The following RANBP2 variants were observed in gnomAD, a reference collection of about 807,000 sequenced individuals.
The protein encoded by RANBP2 is E3 SUMO-protein ligase RanBP2.
RANBP2 carries 57 observed loss-of-function variants against 303.6 expected under a neutral mutation model. The observed-to-expected ratio is 0.19, with a 90% CI of 0.15 to 0.23. The LOEUF is 0.23. Ranked by LOEUF, RANBP2 falls within the 10% of genes least tolerant of loss-of-function variation. RANBP2 has a pLI of 1.00. For missense variants in RANBP2, 3,138 were observed against 3,780.8 expected, an observed-to-expected ratio of 0.83 and a Z score of 4.46; for synonymous variants, 1,167 against 1,301.5, an observed-to-expected ratio of 0.90 and a Z score of 2.23.
chr2:108,887,293 A>G, the RANBP2 span, among the ~76,000 whole-genome samples: 1 of 152,112 alleles, frequency 6.6e-6, no homozygotes, highest in Non-Finnish European at 1.5e-5. Context: ...TCCTTGTAAT[A>G]TGTTTTGAAG....
chr2:108,910,839 TG>T, the RANBP2 span: 1 of 1,614,056 alleles, frequency 6.2e-7, no homozygotes, highest in South Asian at 1.1e-5. Flanking sequence ...CCCGGGTGGC[TG>T]GTGCAACAGG....
chr2:108,846,192 C>G, the RANBP2 span, among the ~76,000 whole-genome samples: 2 of 152,146 alleles, frequency 1.3e-5, no homozygotes, highest in African/African-American at 2.4e-5. Flanking sequence ...TAGTCCACCT[C>G]TGTTCCCTTG....
At chr2:109,643,346 C>T in the RANBP2 span, among the ~76,000 whole-genome samples, 6,766 of 152,250 alleles carry the variant, frequency 0.044, 155 homozygotes, top group South Asian at 0.096. Context: ...TAAAATGAGG[C>T]TGAAACCTAC....
the RANBP2 span, chr2:109,614,792 C>G: frequency 2.0e-6 from 3 of 1,473,626 alleles, no homozygotes; most frequent in East Asian, 3.0e-5. Context: ...AGGTGACCGC[C>G]GAGCCCGAGG....
the RANBP2 span, among the ~76,000 whole-genome samples, chr2:108,993,226 G>A: frequency 6.6e-6 from 1 of 152,252 alleles, no homozygotes; most frequent in African/African-American, 2.4e-5. Flanking sequence ...GCAGAGTTGG[G>A]CAGAAGGTGT....
At chr2:108,915,878 C>G in the RANBP2 span, among the ~76,000 whole-genome samples, 2 of 151,084 alleles carry the variant, frequency 1.3e-5, no homozygotes, top group African/African-American at 4.9e-5. Context: ...TGCTGGGCAA[C>G]AAGAGCGAAA....
chr2:109,426,975 TA>T, the RANBP2 span, among the ~76,000 whole-genome samples: 2 of 105,990 alleles, frequency 1.9e-5, no homozygotes, highest in East Asian at 2.5e-4. Context: ...TATATATATA[TA>T]TATTTTTTTT....
At chr2:109,609,757 A>C in the RANBP2 span, among the ~76,000 whole-genome samples, 1 of 152,222 alleles carries the variant, frequency 6.6e-6, no homozygotes, top group South Asian at 2.1e-4. Context: ...AAAAGTTCAG[A>C]AGCATTGTAG....
the RANBP2 span, among the ~76,000 whole-genome samples, chr2:109,046,317 G>A: frequency 9.7e-5 from 14 of 143,730 alleles, no homozygotes; most frequent in Non-Finnish European, 1.7e-4. Flanking sequence ...AAAAAAAAAA[G>A]AAAAAAAATC....
At chr2:108,898,979 GGAGAA>G in the RANBP2 span, among the ~76,000 whole-genome samples, 1 of 152,096 alleles carries the variant, frequency 6.6e-6, no homozygotes, top group Non-Finnish European at 1.5e-5. Context: ...CAGAAGGAGA[GGAGAA>G]GAGAGTGGGA....
chr2:108,907,253 T>C, the RANBP2 span, among the ~76,000 whole-genome samples: 19 of 152,266 alleles, frequency 1.2e-4, no homozygotes, highest in Non-Finnish European at 4.4e-5. Flanking sequence ...AAACCCCGTA[T>C]ATTTACAAGG....
the RANBP2 span, among the ~76,000 whole-genome samples, chr2:108,956,037 A>G: frequency 6.6e-6 from 1 of 152,168 alleles, no homozygotes; most frequent in Admixed American, 6.5e-5. Context: ...TCAAAAAAAT[A>G]AAATAAATAA....
At chr2:109,086,587 A>T in the RANBP2 span, among the ~76,000 whole-genome samples, 2 of 152,112 alleles carry the variant, frequency 1.3e-5, no homozygotes, top group Admixed American at 6.6e-5. Flanking sequence ...CTGCCCATCG[A>T]GTGAGTCTTC....
the RANBP2 span, among the ~76,000 whole-genome samples, chr2:109,575,714 G>C: frequency 2.0e-5 from 3 of 152,198 alleles, no homozygotes; most frequent in African/African-American, 7.2e-5. Flanking sequence ...ACAGCAAACA[G>C]TTCCCATGTC....
the RANBP2 span, chr2:108,895,639 T>C: frequency 6.6e-6 from 1 of 152,230 alleles, no homozygotes. Context: ...TAGCTCCACT[T>C]TCTTTTTGCT....
the RANBP2 span, among the ~76,000 whole-genome samples, chr2:109,175,401 T>C: frequency 6.6e-6 from 1 of 152,226 alleles, no homozygotes; most frequent in Non-Finnish European, 1.5e-5. Flanking sequence ...TCAGGCACAC[T>C]TGGAAATAAA....
the RANBP2 span, among the ~76,000 whole-genome samples, chr2:109,375,229 T>C: frequency 6.6e-6 from 1 of 152,240 alleles, no homozygotes; most frequent in African/African-American, 2.4e-5. Context: ...CCAGCTCTTC[T>C]TCCCATGGCT....
At chr2:109,404,600 C>T in the RANBP2 span, among the ~76,000 whole-genome samples, 26 of 152,256 alleles carry the variant, frequency 1.7e-4, no homozygotes, top group East Asian at 2.9e-3. Context: ...GAGGCTGCCA[C>T]GGGCACACAG....
At chr2:109,089,703 TTGTC>T in the RANBP2 span, among the ~76,000 whole-genome samples, 7 of 152,154 alleles carry the variant, frequency 4.6e-5, no homozygotes, top group African/African-American at 1.7e-4. Flanking sequence ...GGACATCTCA[TTGTC>T]TGGATGTGGT....
Sources: gnomAD v4.1 joint callset for allele counts (sites outside exome capture counted in the v4.1 genomes callset) on GRCh38, gnomAD v4.1.1 for gene constraint, MANE v1.5 for transcripts, NCBI Gene and HGNC (gene_info 2026-07-23, HGNC 2026-07-21) for gene names.